The following CRYBG1 variants were observed in gnomAD, a reference collection of about 807,000 sequenced individuals.
CRYBG1 encodes crystallin beta-gamma domain containing 1, also known as beta/gamma crystallin domain-containing protein 1.
Under a neutral mutation model 189.2 loss-of-function variants are expected in CRYBG1, and 139 were observed. The observed-to-expected ratio is 0.73, with a 90% CI of 0.64 to 0.85. The LOEUF is 0.85. Ranked by LOEUF, CRYBG1 falls within the 40% of genes least tolerant of loss-of-function variation. The probability of loss-of-function intolerance (pLI) is 0.00; values close to 1 mark genes in which losing one functional copy is unlikely to be tolerated. For missense variants in CRYBG1, 2,611 were observed against 2,675.8 expected, an observed-to-expected ratio of 0.98 and a Z score of 0.53; for synonymous variants, 1,023 against 1,017.1, an observed-to-expected ratio of 1.01 and a Z score of -0.11.
chr6:106,480,055 G>A (rs1175563146), intron 2 of CRYBG1, among the ~76,000 whole-genome samples: 1 of 151,908 alleles, frequency 6.6e-6, no homozygotes, highest in African/African-American at 2.4e-5. Flanking sequence ...CCTCCATTTA[G>A]GTCTCTGATC....
intron 2 of CRYBG1, among the ~76,000 whole-genome samples, chr6:106,492,104 T>A (rs1435679560): frequency 6.6e-6 from 1 of 152,152 alleles, no homozygotes; most frequent in African/African-American, 2.4e-5. Flanking sequence ...CCCTCACTAA[T>A]CTCTTTCTCT....
In CRYBG1 at chr6:106,512,393, A is replaced by G. The variant is rs777532627; in HGVS notation, c.1276A>G (p.Lys426Glu). The G allele has an allele frequency of 5.0e-6, 8 of 1,610,028 alleles. No homozygotes were observed. The highest frequency in any genetic ancestry group is 1.3e-5 in the African/African-American group (1 of 74,904). Residue 426 changes from lysine (K) to glutamate (E), a missense_variant, in exon 3 of 22, where the codon AAA becomes GAA. This residue lies in a region of CRYBG1 where 985 missense variants were observed against 924.4 expected (regional missense o/e 1.07). Coordinates refer to ENST00000633556, the MANE Select transcript of CRYBG1 (RefSeq NM_001371242.2). ...GTCGGGGAGGCGGAGGGGGTCGCAG[A>G]AATCCACCGACTCCCCCGGCGCGGA... ...RRSGRRRGSQ[K>E]STDSPGADAE...
intron 1 of CRYBG1, 81 bp downstream of exon 1, chr6:106,361,162 C>A: frequency 7.0e-7 from 1 of 1,430,798 alleles, no homozygotes; most frequent in Non-Finnish European, 9.2e-7. Flanking sequence ...GGACTCCTGA[C>A]CCCACTTGGA....
chr6:106,375,964 A>G (rs1201420043), intron 1 of CRYBG1, among the ~76,000 whole-genome samples: 1 of 152,246 alleles, frequency 6.6e-6, no homozygotes, highest in African/African-American at 2.4e-5. Context: ...AATTATAACA[A>G]TATACTATAA....
At chr6:106,361,202 T>C in intron 1 of CRYBG1, 121 bp downstream of exon 1, 2 of 1,220,846 alleles carry the variant, frequency 1.6e-6, no homozygotes, top group Non-Finnish European at 2.2e-6. Flanking sequence ...TCTGTTTCAG[T>C]CCGCAGGAGG....
At chr6:106,400,848 A>G (rs1232315291) in intron 1 of CRYBG1, among the ~76,000 whole-genome samples, 1 of 152,210 alleles carries the variant, frequency 6.6e-6, no homozygotes, top group Non-Finnish European at 1.5e-5. Context: ...CAAAAGACAC[A>G]TGTGAACTAA....
chr6:106,487,485 C>T (rs1053889212), intron 2 of CRYBG1, among the ~76,000 whole-genome samples: 1 of 152,126 alleles, frequency 6.6e-6, no homozygotes, highest in Non-Finnish European at 1.5e-5. Context: ...TGAGTTCTCT[C>T]AGTTTTTGCT....
At chr6:106,528,088 G>C (rs1773794513) in intron 7 of CRYBG1, among the ~76,000 whole-genome samples, 1 of 152,138 alleles carries the variant, frequency 6.6e-6, no homozygotes, top group African/African-American at 2.4e-5. Context: ...AAAATCCCAA[G>C]TTTTAATGGA....
chr6:106,498,437 C>T (rs181108570), intron 2 of CRYBG1, among the ~76,000 whole-genome samples: 55 of 152,198 alleles, frequency 3.6e-4, no homozygotes, highest in African/African-American at 1.3e-3. Flanking sequence ...GTGATCCAAT[C>T]CCATTAGGAA....
chr6:106,449,066 G>A (rs1771726211), intron 1 of CRYBG1, among the ~76,000 whole-genome samples: 1 of 152,108 alleles, frequency 6.6e-6, no homozygotes, highest in South Asian at 2.1e-4. Context: ...TCTGTGAGTT[G>A]GACTGTTATT....
intron 1 of CRYBG1, among the ~76,000 whole-genome samples, chr6:106,404,823 G>C (rs746430763): frequency 5.9e-5 from 9 of 152,272 alleles, no homozygotes; most frequent in Non-Finnish European, 1.2e-4. Context: ...GTGAGGGACT[G>C]TGCTGTGAGG....
At chr6:106,546,404 T>C (rs552806064) in intron 13 of CRYBG1, among the ~76,000 whole-genome samples, 113 of 152,356 alleles carry the variant, frequency 7.4e-4, no homozygotes, top group African/African-American at 2.7e-3. Flanking sequence ...CATAGTGACA[T>C]AGACTATTTG....
intron 1 of CRYBG1, among the ~76,000 whole-genome samples, chr6:106,443,370 G>A (rs1487318710): frequency 6.6e-6 from 1 of 152,132 alleles, no homozygotes; most frequent in African/African-American, 2.4e-5. Context: ...TCAAGTACAT[G>A]GACCTCATTG....
chr6:106,446,774 C>T (rs990700330), intron 1 of CRYBG1, among the ~76,000 whole-genome samples: 1 of 152,146 alleles, frequency 6.6e-6, no homozygotes, highest in Admixed American at 6.5e-5. Context: ...TAAAGAGGCC[C>T]GCCCCCTTCT....
chr6:106,361,725 T>TTTATTCTATATGTATAA (rs1219318934), intron 1 of CRYBG1, among the ~76,000 whole-genome samples: 1 of 152,188 alleles, frequency 6.6e-6, no homozygotes, highest in East Asian at 1.9e-4. Context: ...TTGAAGTGGT[T>TTTATTCTATATGTATAA]TTATTCTATA....
At chr6:106,369,150 C>T (rs1769963697) in intron 1 of CRYBG1, among the ~76,000 whole-genome samples, 2 of 152,192 alleles carry the variant, frequency 1.3e-5, no homozygotes, top group African/African-American at 2.4e-5. Flanking sequence ...GGCCCAAGGA[C>T]ATACAAATGG....
Position 106,541,191 on chromosome 6 carries a change from A to G in CRYBG1, c.4846-395A>G, listed in dbSNP as rs562880324. 49 of 475,222 alleles carry G rather than the reference A, an allele frequency of 1.0e-4. 1 individual carries two copies. The East Asian group carries it at 3.1e-3, about 30-fold the overall frequency. 29.4% of individuals were successfully genotyped at this position (475,222 alleles called of 1,614,324 possible). A position where few individuals can be genotyped will look rare whatever the true frequency, so the allele number is the denominator to read the frequency against. ...CAACCCCGGGCCTGTGCCCAGCTGA[A>G]GGATGAACTGAGGGCAGGATCGTTA... On this transcript the variant is annotated intron_variant, in intron 9 of 21. Coordinates refer to ENST00000633556, the MANE Select transcript of CRYBG1 (RefSeq NM_001371242.2).
At chr6:106,433,997 G>A (rs981345637) in intron 1 of CRYBG1, among the ~76,000 whole-genome samples, 1 of 151,764 alleles carries the variant, frequency 6.6e-6, no homozygotes, top group African/African-American at 2.4e-5. Flanking sequence ...CTCTTAGGTT[G>A]CCGTCAAGCT....
At chr6:106,489,669 A>AG (rs1253532905) in intron 2 of CRYBG1, among the ~76,000 whole-genome samples, 1 of 131,254 alleles carries the variant, frequency 7.6e-6, no homozygotes, top group Non-Finnish European at 1.6e-5. Context: ...AAATACAAAA[A>AG]AAAAAAAAAT....
Sources: allele counts gnomAD v4.1 joint callset (sites outside exome capture counted in the v4.1 genomes callset), GRCh38; gene constraint gnomAD v4.1.1; regional missense constraint gnomAD v4.1.1; transcripts MANE v1.5; gene names NCBI Gene and HGNC (gene_info 2026-07-23, HGNC 2026-07-21).